Variants in CTNNA3 observed in about 807,000 individuals in gnomAD.
The protein encoded by CTNNA3 is catenin alpha 3, also known as catenin alpha-3.
In CTNNA3, 76 loss-of-function variants were observed where a neutral mutation model predicts 95.7. The ratio of observed to expected loss-of-function variants is 0.79; its 90% CI spans 0.66 to 0.96. The LOEUF is 0.96. Among genes scored for constraint, CTNNA3 ranks in the 40% least tolerant of loss-of-function variants. The probability of loss-of-function intolerance (pLI) is 0.00; values close to 1 mark genes in which losing one functional copy is unlikely to be tolerated. For missense variants in CTNNA3, 1,191 were observed against 1,089.8 expected (o/e 1.09, Z -1.31); for synonymous variants, 431 against 374.4 (o/e 1.15, Z -1.74).
At chr10:66,016,884 CAG>C (rs2079105775) in intron 15 of CTNNA3, among the ~76,000 whole-genome samples, 1 of 152,056 alleles carries the variant, frequency 6.6e-6, no homozygotes, top group Admixed American at 6.6e-5. Flanking sequence ...AGTATAATGA[CAG>C]AAATGTAAAT....
At position 67,592,466 on chromosome 10, in the gene CTNNA3, T is replaced by C. The variant is rs573652443; in HGVS notation, c.292+14391A>G. Among the ~76,000 whole-genome samples, 4 of 152,096 alleles carry C rather than the reference T, an allele frequency of 2.6e-5. No homozygotes were observed. In the East Asian group the frequency reaches 5.8e-4, roughly 22 times the overall value. The stretch of plus-strand genomic sequence containing the variant: ...CCACTCTCTTCCACTCGCCGAACTA[T>C]GGGAGCAAAAAAGCCACAATATTTC... On this transcript the variant is annotated intron_variant, in intron 3 of 17. Transcript: ENST00000433211.
chr10:67,335,889 T>G (rs1167431630), intron 5 of CTNNA3, among the ~76,000 whole-genome samples: 4 of 152,110 alleles, frequency 2.6e-5, no homozygotes, highest in South Asian at 4.2e-4. Flanking sequence ...AAATAGTGTT[T>G]TTTTTTTTTT....
At chr10:67,059,486 G>A (rs369171097) in intron 7 of CTNNA3, among the ~76,000 whole-genome samples, 4 of 152,280 alleles carry the variant, frequency 2.6e-5, no homozygotes, top group Non-Finnish European at 4.4e-5. Context: ...AATTTAGGTC[G>A]AAGGTAATAT....
intron 9 of CTNNA3, among the ~76,000 whole-genome samples, chr10:66,756,197 T>C (rs1839356037): frequency 6.6e-6 from 1 of 151,990 alleles, no homozygotes; most frequent in Non-Finnish European, 1.5e-5. Context: ...GAGGAAGACA[T>C]TAGAGTGAAA....
intron 13 of CTNNA3, among the ~76,000 whole-genome samples, chr10:66,225,251 T>G (rs2089213962): frequency 6.6e-6 from 1 of 151,684 alleles, no homozygotes; most frequent in Admixed American, 6.6e-5. Context: ...TTTACTTCTA[T>G]AAGGTCAAGT....
intron 9 of CTNNA3, among the ~76,000 whole-genome samples, chr10:66,719,826 C>A (rs1848569503): frequency 6.6e-6 from 1 of 151,970 alleles, no homozygotes; most frequent in Admixed American, 6.6e-5. Context: ...TGTTTTTTGG[C>A]CTCAATGGTA....
intron 15 of CTNNA3, among the ~76,000 whole-genome samples, chr10:66,067,052 T>G (rs1055808619): frequency 6.6e-6 from 1 of 151,866 alleles, no homozygotes; most frequent in African/African-American, 2.4e-5. Flanking sequence ...GAAGCAAAAG[T>G]TTTTCTCTGA....
At chr10:66,886,899 T>A (rs1212596485) in intron 7 of CTNNA3, among the ~76,000 whole-genome samples, 2 of 152,198 alleles carry the variant, frequency 1.3e-5, no homozygotes, top group African/African-American at 4.8e-5. Context: ...TTTTTTTTCT[T>A]CAGTCCATCA....
intron 5 of CTNNA3, among the ~76,000 whole-genome samples, chr10:67,483,547 C>T (rs1175283541): frequency 6.6e-6 from 1 of 151,196 alleles, no homozygotes; most frequent in Non-Finnish European, 1.5e-5. Flanking sequence ...TGTTCTCACT[C>T]ATAGGTGGGA....
At chr10:67,674,590 A>T (rs1840501943) in intron 1 of CTNNA3, among the ~76,000 whole-genome samples, 1 of 152,092 alleles carries the variant, frequency 6.6e-6, no homozygotes, top group Admixed American at 6.6e-5. Flanking sequence ...CCACCTCCTC[A>T]CCAAAACAAG....
At chr10:66,555,508 C>T (rs185352493) in intron 10 of CTNNA3, among the ~76,000 whole-genome samples, 1 of 152,096 alleles carries the variant, frequency 6.6e-6, no homozygotes, top group East Asian at 1.9e-4. Flanking sequence ...CTGTGCATTC[C>T]GTATTTTATC....
intron 7 of CTNNA3, among the ~76,000 whole-genome samples, chr10:66,870,432 A>G (rs1375081959): frequency 6.6e-6 from 1 of 152,174 alleles, no homozygotes; most frequent in South Asian, 2.1e-4. Context: ...ATATAATTCA[A>G]TTTCCTTTGT....
intron 3 of CTNNA3, among the ~76,000 whole-genome samples, chr10:67,583,904 C>T (rs1403798538): frequency 1.3e-5 from 2 of 152,154 alleles, no homozygotes; most frequent in Non-Finnish European, 2.9e-5. Context: ...TGGTTTTCAG[C>T]TCTATCAGGT....
intron 9 of CTNNA3, among the ~76,000 whole-genome samples, chr10:66,731,678 C>G (rs1231403554): frequency 6.6e-6 from 1 of 152,132 alleles, no homozygotes; most frequent in Non-Finnish European, 1.5e-5. Flanking sequence ...ATTTCACTTT[C>G]CCTAGCTAAA....
At chr10:67,132,519 T>A (rs746317100) in intron 7 of CTNNA3, among the ~76,000 whole-genome samples, 1 of 152,096 alleles carries the variant, frequency 6.6e-6, no homozygotes, top group Non-Finnish European at 1.5e-5. Context: ...GAATTGACGA[T>A]CCTTTCTAGT....
At chr10:66,406,562 T>C (rs1276615123) in intron 11 of CTNNA3, among the ~76,000 whole-genome samples, 1 of 152,208 alleles carries the variant, frequency 6.6e-6, no homozygotes, top group African/African-American at 2.4e-5. Flanking sequence ...GTTGAATACT[T>C]GTACATCCAA....
intron 5 of CTNNA3, among the ~76,000 whole-genome samples, chr10:67,501,196 G>T (rs1160572414): frequency 6.6e-6 from 1 of 152,094 alleles, no homozygotes; most frequent in Non-Finnish European, 1.5e-5. Flanking sequence ...TGTCTCTAAA[G>T]GATTTTATTT....
chr10:66,668,449 T>A (rs1017135492), intron 9 of CTNNA3, among the ~76,000 whole-genome samples: 1 of 151,906 alleles, frequency 6.6e-6, no homozygotes, highest in Non-Finnish European at 1.5e-5. Context: ...TGTGTGTGTG[T>A]GTGTGTGTGA....
chr10:66,050,424 A>ATT (rs200349556), intron 15 of CTNNA3, among the ~76,000 whole-genome samples: 1 of 145,900 alleles, frequency 6.9e-6, no homozygotes, highest in African/African-American at 2.5e-5. Context: ...ATCCTCATGC[A>ATT]TTTTTTTTTT....
Sources: allele counts gnomAD v4.1 joint callset (sites outside exome capture counted in the v4.1 genomes callset), GRCh38; gene constraint gnomAD v4.1.1; transcripts MANE v1.5; gene names NCBI Gene and HGNC (gene_info 2026-07-23, HGNC 2026-07-21).